Variants in ATP9A observed in about 807,000 individuals in gnomAD.
ATP9A encodes the protein ATPase phospholipid transporting 9A.
A neutral mutation model predicts 144.1 loss-of-function variants in ATP9A; 52 were observed. The observed-to-expected ratio is 0.36, with a 90% CI of 0.29 to 0.45. The LOEUF is 0.45. ATP9A is among the 20% of genes least tolerant of loss of function. ATP9A has a pLI of 1.00. For synonymous variants in ATP9A, 582 were observed against 557.4 expected (o/e 1.04, Z -0.62); for missense variants, 947 against 1,392.7 (o/e 0.68, Z 5.09).
chr20:51,722,372 C>T (rs1568836088), intron 3 of ATP9A, among the ~76,000 whole-genome samples: 1 of 152,158 alleles, frequency 6.6e-6, no homozygotes, highest in African/African-American at 2.4e-5. Context: ...AGCTTTTACA[C>T]GGCAAGAGGA....
At chr20:51,694,212 G>T (rs1025561762) in intron 6 of ATP9A, 110 bp from the exon 7 acceptor site, 3 of 712,028 alleles carry the variant, frequency 4.2e-6, no homozygotes, top group South Asian at 1.8e-5. Flanking sequence ...AATGGCCAGC[G>T]ACCACAAGAG....
intron 1 of ATP9A, among the ~76,000 whole-genome samples, chr20:51,736,571 C>G (rs535416908): frequency 5.5e-5 from 8 of 145,892 alleles, no homozygotes; most frequent in Non-Finnish European, 1.0e-4. Flanking sequence ...CCAGGCAGGT[C>G]TCGAACTCCT....
chr20:51,767,118 C>T (rs1251005290), intron 1 of ATP9A, among the ~76,000 whole-genome samples: 2 of 150,962 alleles, frequency 1.3e-5, no homozygotes, highest in African/African-American at 4.9e-5. Flanking sequence ...GTGAAGCCAC[C>T]CTTATGGTTC....
chr20:51,708,775 G>C (rs1601118491), intron 4 of ATP9A, among the ~76,000 whole-genome samples: 1 of 152,044 alleles, frequency 6.6e-6, no homozygotes, highest in Non-Finnish European at 1.5e-5. Context: ...ATCTAGTTTT[G>C]AGGCCACATC....
Position 51,605,024 on chromosome 20 carries a change from C to A in ATP9A, c.2804-4G>T. The stretch of plus-strand genomic sequence containing the variant: ...GCCCCGTACATGATGGTGCTCCCTG[C>A]AAACACCAGAGAAGGGTATTCCCCT... On this transcript the variant is annotated splice_region_variant and splice_polypyrimidine_tract_variant and intron_variant, in intron 26 of 27. Transcript: ENST00000338821. 1 of 1,600,002 alleles carries A rather than the reference C, an allele frequency of 6.2e-7. No individual in the cohort carries two copies. The highest frequency in any genetic ancestry group is 8.5e-7 in the Non-Finnish European group (1 of 1,173,166).
chr20:51,728,343 A>C (rs1446385917), intron 2 of ATP9A, among the ~76,000 whole-genome samples: 1 of 152,118 alleles, frequency 6.6e-6, no homozygotes, highest in Non-Finnish European at 1.5e-5. Flanking sequence ...AAAAACATTC[A>C]CGGCTGGGAG....
At chr20:51,748,948 T>TAGACAGACAGACAGACAGACAGAC (rs60891087) in intron 1 of ATP9A, among the ~76,000 whole-genome samples, 18 of 137,902 alleles carry the variant, frequency 1.3e-4, no homozygotes, top group African/African-American at 3.6e-4. Context: ...GATAGATAGA[T>TAGACAGACAGACAGACAGACAGAC]AGACAGACAG....
intron 4 of ATP9A, among the ~76,000 whole-genome samples, chr20:51,709,674 T>C (rs1236927154): frequency 6.6e-6 from 1 of 151,966 alleles, no homozygotes; most frequent in Admixed American, 6.6e-5. Context: ...TTGCAGTGAG[T>C]CCAGGTCCCA....
intron 14 of ATP9A, among the ~76,000 whole-genome samples, chr20:51,653,746 C>A (rs1451988330): frequency 6.6e-6 from 1 of 151,874 alleles, no homozygotes; most frequent in Non-Finnish European, 1.5e-5. Flanking sequence ...GAGATCATAC[C>A]ACTGCACTCC....
chr20:51,632,139 G>A lies in ATP9A; in HGVS notation c.1669-3067C>T, dbSNP rs551673617. Among the ~76,000 whole-genome samples, 12 of 152,092 alleles carry A rather than the reference G, an allele frequency of 7.9e-5. No individual in the cohort carries two copies. In the East Asian group the frequency reaches 1.4e-3, roughly 17 times the overall value. Reference sequence around the variant, plus strand: ...GGCTAGAGCGCAATGGCACAATCACGACTCACTACAGCCTCGACCTCCTGG... The same window carrying A: ...GGCTAGAGCGCAATGGCACAATCACAACTCACTACAGCCTCGACCTCCTGG... On this transcript the variant is annotated intron_variant, in intron 15 of 27. Transcript: ENST00000338821.
At chr20:51,640,844 G>A (rs1056777004) in intron 14 of ATP9A, among the ~76,000 whole-genome samples, 1 of 152,202 alleles carries the variant, frequency 6.6e-6, no homozygotes, top group Non-Finnish European at 1.5e-5. Flanking sequence ...CTGCCCTGCA[G>A]GGACTAGGGC....
chr20:51,760,944 C>A (rs995511256), intron 1 of ATP9A, among the ~76,000 whole-genome samples: 2 of 150,422 alleles, frequency 1.3e-5, no homozygotes, highest in African/African-American at 4.9e-5. Flanking sequence ...CAGAGAATTG[C>A]TTAAACCCAG....
chr20:51,746,739 T>C (rs948413615), intron 1 of ATP9A, among the ~76,000 whole-genome samples: 10 of 152,226 alleles, frequency 6.6e-5, no homozygotes, highest in African/African-American at 2.4e-4. Context: ...CTCAGGAGGC[T>C]GAGGAAGGAG....
intron 15 of ATP9A, among the ~76,000 whole-genome samples, chr20:51,638,074 TATATA>T (rs2077301296): frequency 9.8e-5 from 1 of 10,170 alleles, no homozygotes; most frequent in African/African-American, 3.2e-4. Flanking sequence ...CATCATTTTA[TATATA>T]TATATATATA....
chr20:51,674,080 G>T, intron 11 of ATP9A, 73 bp downstream of exon 11: 1 of 1,493,930 alleles, frequency 6.7e-7, no homozygotes, highest in Non-Finnish European at 9.1e-7. Context: ...AAAAGCCACA[G>T]AACCATCATC....
At chr20:51,662,685 T>C (rs975506096) in intron 13 of ATP9A, among the ~76,000 whole-genome samples, 5 of 152,100 alleles carry the variant, frequency 3.3e-5, no homozygotes, top group African/African-American at 1.2e-4. Context: ...ATTAAAAACC[T>C]TGACATGAGT....
Position 51,617,551 on chromosome 20 carries a change from T to C in ATP9A, c.2354A>G (p.Asp785Gly), listed in dbSNP as rs1601059078. 1 of 1,610,992 alleles carries C rather than the reference T, an allele frequency of 6.2e-7. No homozygotes were observed. Among genetic ancestry groups the C allele is most frequent in the Non-Finnish European group, 8.5e-7 (1 of 1,178,664 alleles). Residue 785 changes from aspartate to glycine, a missense_variant, in exon 22 of 28, where the codon GAC (aspartate) becomes GGC (glycine). Transcript: ENST00000338821. ...RTGKLTCAVG[D>G]GGNDVSMIQE... ...AATCATGCTGACGTCATTGCCTCCG[T>C]CCCCTGCGAGCCACACAGACCAGAG... is the stretch of plus-strand genomic sequence containing the variant.
intron 9 of ATP9A, among the ~76,000 whole-genome samples, chr20:51,685,898 T>C (rs1338881379): frequency 3.3e-5 from 5 of 152,220 alleles, no homozygotes; most frequent in Non-Finnish European, 7.3e-5. Context: ...ATCATGCTGC[T>C]ATAAAGACAC....
chr20:51,712,276 A>C (rs533682760), intron 4 of ATP9A, among the ~76,000 whole-genome samples: 6 of 151,994 alleles, frequency 3.9e-5, no homozygotes, highest in African/African-American at 1.2e-4. Flanking sequence ...GGGTTTCACC[A>C]TGTTAGCCAG....
Sources: gnomAD v4.1 joint callset for allele counts (sites outside exome capture counted in the v4.1 genomes callset) on GRCh38, gnomAD v4.1.1 for gene constraint, MANE v1.5 for transcripts, NCBI Gene and HGNC (gene_info 2026-07-23, HGNC 2026-07-21) for gene names.